CHD6: variants seen among roughly 807,000 people sequenced by gnomAD.
The protein encoded by CHD6 is chromodomain helicase DNA binding protein 6, also known as ATP-dependent chromatin remodeler CHD6.
CHD6 carries 50 observed loss-of-function variants against 276.9 expected under a neutral mutation model. That is an observed-to-expected ratio of 0.18 (90% CI 0.14 to 0.23). The LOEUF is 0.23. Ranked by LOEUF, CHD6 falls within the 10% of genes least tolerant of loss-of-function variation. CHD6 has a pLI of 1.00. For missense variants in CHD6, 2,564 were observed against 3,365.8 expected (o/e 0.76, Z 5.89); for synonymous variants, 1,173 against 1,229.3 (o/e 0.95, Z 0.96).
chr20:41,546,468 T>C (rs1211958868), intron 2 of CHD6, among the ~76,000 whole-genome samples: 1 of 152,214 alleles, frequency 6.6e-6, no homozygotes, highest in Non-Finnish European at 1.5e-5. Context: ...AAAGCCCTCT[T>C]ACCCCTTAAG....
intron 1 of CHD6, among the ~76,000 whole-genome samples, chr20:41,555,084 CG>C (rs2045204842): frequency 1.4e-5 from 2 of 147,170 alleles, no homozygotes; most frequent in East Asian, 4.2e-4. Flanking sequence ...CCCTCCTGGA[CG>C]GGGCGGCTTG....
intron 17 of CHD6, among the ~76,000 whole-genome samples, chr20:41,459,854 GA>G (rs1214250830): frequency 6.6e-6 from 1 of 152,260 alleles, no homozygotes; most frequent in African/African-American, 2.4e-5. Flanking sequence ...CGAAAACGCG[GA>G]AGCGACTTTG....
intron 36 of CHD6, among the ~76,000 whole-genome samples, chr20:41,408,417 C>T (rs1258338211): frequency 6.6e-6 from 1 of 152,218 alleles, no homozygotes; most frequent in African/African-American, 2.4e-5. Flanking sequence ...GGACGCAATT[C>T]CTGGCTGGTT....
intron 16 of CHD6, among the ~76,000 whole-genome samples, chr20:41,481,622 T>G (rs890271586): frequency 6.6e-6 from 1 of 152,046 alleles, no homozygotes; most frequent in Non-Finnish European, 1.5e-5. Flanking sequence ...TAAAACACTC[T>G]TAACTAGAGG....
intron 16 of CHD6, among the ~76,000 whole-genome samples, chr20:41,479,798 G>A (rs1477577243): frequency 6.6e-6 from 1 of 152,170 alleles, no homozygotes; most frequent in East Asian, 1.9e-4. Flanking sequence ...GATTTCAGAT[G>A]GGAAAGATCT....
intron 1 of CHD6, among the ~76,000 whole-genome samples, chr20:41,588,025 A>G (rs2146253192): frequency 6.6e-6 from 1 of 152,090 alleles, no homozygotes; most frequent in East Asian, 1.9e-4. Flanking sequence ...ATAAGCAAGC[A>G]GAAGCTATAA....
At position 41,404,796 on chromosome 20, in the gene CHD6, C is replaced by T; in HGVS notation, c.7945G>A (p.Gly2649Ser). ...MQQARHSEIVGLESQKRKKKK... is the reference protein window; with the variant it reads ...MQQARHSEIVSLESQKRKKKK... ...TTCTTCCTCTTCTGGCTCTCCAGAC[C>T]TACTATTTCCGAGTGTCTGGCCTGC... The change falls in exon 37 of 37, where the codon GGT becomes AGT. Residue 2649 changes from glycine (G) to serine (S), a missense_variant. Physicochemically the swap from Gly to Ser is moderately conservative, Grantham distance 56. Transcript: ENST00000373233. 1 of 1,612,930 alleles carries T rather than the reference C, an allele frequency of 6.2e-7. No individual in the cohort carries two copies. The highest frequency in any genetic ancestry group is 8.5e-7 in the Non-Finnish European group (1 of 1,179,296).
At chr20:41,606,734 C>T (rs1188194465) in intron 1 of CHD6, among the ~76,000 whole-genome samples, 1 of 151,852 alleles carries the variant, frequency 6.6e-6, no homozygotes, top group African/African-American at 2.4e-5. Context: ...GAATTCCTTA[C>T]TCCATCAGAC....
chr20:41,432,160 C>CAAAAAAAAAAAAAAAAA (rs572447937), intron 27 of CHD6, among the ~76,000 whole-genome samples: 26 of 58,980 alleles, frequency 4.4e-4, no homozygotes, highest in South Asian at 2.0e-3. Flanking sequence ...AACTCCGTCT[C>CAAAAAAAAAAAAAAAAA]AAAAAAAAAA....
chr20:41,610,929 C>T (rs1395542532), intron 1 of CHD6, among the ~76,000 whole-genome samples: 3 of 152,136 alleles, frequency 2.0e-5, no homozygotes, highest in Admixed American at 6.5e-5. Context: ...TACTTAAAAG[C>T]TGCCTATCTT....
chr20:41,482,990 A>C (rs1397116973), intron 16 of CHD6, among the ~76,000 whole-genome samples: 1 of 152,114 alleles, frequency 6.6e-6, no homozygotes, highest in Non-Finnish European at 1.5e-5. Context: ...ATGTAAATAC[A>C]TTATTTTCTT....
chr20:41,513,087 A>G, intron 4 of CHD6, 92 bp from the exon 5 acceptor site: 2 of 1,362,498 alleles, frequency 1.5e-6, no homozygotes, highest in East Asian at 2.3e-5. Context: ...CTAACATGCC[A>G]AGGAGTGCTT....
At chr20:41,479,769 T>C (rs1320297378) in intron 16 of CHD6, among the ~76,000 whole-genome samples, 2 of 152,082 alleles carry the variant, frequency 1.3e-5, no homozygotes, top group African/African-American at 4.8e-5. Flanking sequence ...TCAAGAAAAT[T>C]CCCCAGCATC....
chr20:41,448,875 G>A (rs773176197), intron 23 of CHD6, among the ~76,000 whole-genome samples: 17 of 151,780 alleles, frequency 1.1e-4, no homozygotes, highest in Admixed American at 1.3e-4. Flanking sequence ...CATCTCAGCT[G>A]TCAATCAACT....
At chr20:41,415,023 T>C in intron 34 of CHD6, 163 bp downstream of exon 34, 2 of 1,447,244 alleles carry the variant, frequency 1.4e-6, no homozygotes. Flanking sequence ...AGTAACTATC[T>C]AGTTCTACAG....
chr20:41,468,574 A>T (rs1028695652), intron 17 of CHD6, among the ~76,000 whole-genome samples: 2 of 152,244 alleles, frequency 1.3e-5, no homozygotes, highest in Non-Finnish European at 2.9e-5. Flanking sequence ...AACACCTGGC[A>T]TGTCCCAGTG....
intron 17 of CHD6, among the ~76,000 whole-genome samples, chr20:41,468,889 C>T (rs889722864): frequency 6.6e-6 from 1 of 152,112 alleles, no homozygotes; most frequent in South Asian, 2.1e-4. Context: ...GGGCTCATGA[C>T]TATAACTCCA....
chr20:41,486,948 G>A (rs1010189756), intron 14 of CHD6, among the ~76,000 whole-genome samples: 3 of 151,854 alleles, frequency 2.0e-5, no homozygotes, highest in Non-Finnish European at 1.5e-5. Context: ...TCTCTCCCTA[G>A]AGTCTTTTCT....
intron 1 of CHD6, among the ~76,000 whole-genome samples, chr20:41,600,905 C>G (rs1474695278): frequency 6.6e-6 from 1 of 152,100 alleles, no homozygotes; most frequent in Non-Finnish European, 1.5e-5. Context: ...GGAAACATAC[C>G]CAGCCCCACT....
Sources: allele counts gnomAD v4.1 joint callset (sites outside exome capture counted in the v4.1 genomes callset), GRCh38; gene constraint gnomAD v4.1.1; transcripts MANE v1.5; gene names NCBI Gene and HGNC (gene_info 2026-07-23, HGNC 2026-07-21).